GALNT18: variants seen among roughly 807,000 people sequenced by gnomAD.
The protein encoded by GALNT18 is polypeptide N-acetylgalactosaminyltransferase 18, also known as GalNAc-transferase 18.
Under a neutral mutation model 69.5 loss-of-function variants are expected in GALNT18, and 44 were observed. The observed-to-expected ratio is 0.63, with a 90% CI of 0.50 to 0.81. GALNT18 has a LOEUF of 0.81. GALNT18 is among the 40% of genes least tolerant of loss of function. The pLI, the probability that GALNT18 is intolerant of heterozygous loss-of-function variation, is 0.00. For synonymous variants in GALNT18, 364 were observed against 318.2 expected (o/e 1.14, Z -1.53); for missense variants, 715 against 810.0 (o/e 0.88, Z 1.42).
chr11:11,366,495 T>C (rs545527350), intron 6 of GALNT18, among the ~76,000 whole-genome samples: 1 of 152,320 alleles, frequency 6.6e-6, no homozygotes, highest in Admixed American at 6.5e-5. Flanking sequence ...ATTAGAATAA[T>C]GAGATAATAA....
chr11:11,429,210 T>C (rs1855209401), intron 3 of GALNT18, among the ~76,000 whole-genome samples: 1 of 152,222 alleles, frequency 6.6e-6, no homozygotes, highest in African/African-American at 2.4e-5. Context: ...TGGTTTCATG[T>C]GAATAGACAG....
intron 1 of GALNT18, among the ~76,000 whole-genome samples, chr11:11,520,772 C>T (rs1165320395): frequency 1.3e-5 from 2 of 152,200 alleles, no homozygotes; most frequent in Admixed American, 1.3e-4. Context: ...GTGAAGGAAC[C>T]CCTTCCTGGT....
chr11:11,364,370 CTA>C (rs1453752745), intron 6 of GALNT18, among the ~76,000 whole-genome samples: 1 of 152,158 alleles, frequency 6.6e-6, no homozygotes, highest in African/African-American at 2.4e-5. Flanking sequence ...CACATACTGT[CTA>C]TGAAATATTC....
rs145060938 is a variant in GALNT18 at position 11,595,499 on chromosome 11, G to A, written c.235+25860C>T. Among the ~76,000 whole-genome samples, 377 of 152,212 alleles carry A rather than the reference G, an allele frequency of 2.5e-3. 3 individuals carry two copies. Among genetic ancestry groups the A allele is most frequent in the African/African-American group, 8.6e-3 (357 of 41,524 alleles). On this transcript the variant is annotated intron_variant, in intron 1 of 10. Transcript: ENST00000227756. This position sits in a 1 kb window ranked among gnomAD's most constrained non-coding sequence, Gnocchi z 5.2. ...TTTTGTTTATTTTGTTATGGCAGCCGAGATGAACTAAGACACATTCTCTTC... is the reference window on the plus strand; with the variant it reads ...TTTTGTTTATTTTGTTATGGCAGCCAAGATGAACTAAGACACATTCTCTTC...
In GALNT18 at chr11:11,342,397, C is replaced by G. The variant is rs190893736; in HGVS notation, c.1093-1393G>C. On this transcript the variant is annotated intron_variant, in intron 6 of 10. Coordinates refer to ENST00000227756, the MANE Select transcript of GALNT18 (RefSeq NM_198516.3). ...CAGATACTGTCAACATCACCATGAA[C>G]TTGGTAGATGAAGTTCAGATATATA... 5.8e-3 allele frequency among the ~76,000 whole-genome samples: 883 copies of G among 152,290 alleles called. 4 individuals are homozygous for G. Among genetic ancestry groups the G allele is most frequent in the Non-Finnish European group, 8.9e-3 (604 of 68,022 alleles).
At position 11,602,290 on chromosome 11, in the gene GALNT18, C is replaced by A. The variant is rs1482867924; in HGVS notation, c.235+19069G>T. On this transcript the variant is annotated intron_variant, in intron 1 of 10. Coordinates refer to ENST00000227756, the MANE Select transcript of GALNT18 (RefSeq NM_198516.3). The surrounding 1 kb of genome is among the most constrained non-coding windows in gnomAD (Gnocchi z 4.7). ...CATGTGAGCCAGGGATAGGGGCAAT[C>A]AGGGCCTAGTATTCTCAACACAGGG... Among the ~76,000 whole-genome samples the A allele has an allele frequency of 1.3e-5, 2 of 152,128 alleles. No homozygotes were observed. The highest frequency in any genetic ancestry group is 2.9e-5 in the Non-Finnish European group (2 of 68,016).
At chr11:11,303,741 G>A (rs932414990) in intron 9 of GALNT18, among the ~76,000 whole-genome samples, 9 of 152,226 alleles carry the variant, frequency 5.9e-5, no homozygotes, top group Admixed American at 3.9e-4. Flanking sequence ...CTGGGGCTCT[G>A]AGGAACAGCT....
chr11:11,289,621 G>A (rs1384953960), intron 10 of GALNT18, among the ~76,000 whole-genome samples: 3 of 152,218 alleles, frequency 2.0e-5, no homozygotes, highest in African/African-American at 4.8e-5. Context: ...CAAGATGGGA[G>A]GAGTGGGGAG....
At chr11:11,284,660 C>T (rs1014697929) in intron 10 of GALNT18, among the ~76,000 whole-genome samples, 1 of 152,190 alleles carries the variant, frequency 6.6e-6, no homozygotes, top group Non-Finnish European at 1.5e-5. Context: ...TTAGAATTCC[C>T]ATTCCACTTT....
Position 11,448,789 on chromosome 11 carries a change from T to A in GALNT18, c.383A>T (p.Asp128Val). The A allele has an allele frequency of 6.2e-7, 1 of 1,612,840 alleles. No homozygotes were observed. The highest frequency in any genetic ancestry group is 2.2e-5 in the East Asian group (1 of 44,864). The change falls in exon 2 of 11, where the codon GAC becomes GTC. Residue 128 changes from aspartate to valine, a missense_variant. By Grantham distance (152) the Asp-to-Val change is radical. Coordinates refer to ENST00000227756, the MANE Select transcript of GALNT18 (RefSeq NM_198516.3). ...CAGGGGCCGGTCCAGGGGCAGGCGG[T>A]CGCTGAGGTAGGCGTTGTAGCCGTA... ...QYYGYNAYLSDRLPLDRPLPD... is the reference protein window; with the variant it reads ...QYYGYNAYLSVRLPLDRPLPD...
chr11:11,551,483 C>T lies in GALNT18; in HGVS notation c.235+69876G>A, dbSNP rs943005879. Among the ~76,000 whole-genome samples, 13 of 152,302 alleles carry T rather than the reference C, an allele frequency of 8.5e-5. No individual in the cohort carries two copies. In the East Asian group the frequency reaches 2.3e-3, roughly 27 times the overall value. ...ACAGATTCCCAAAGCCCAGAAATTT[C>T]CAAGAACTTTGGCATCTTTGAGCTT... On this transcript the variant is annotated intron_variant, in intron 1 of 10. Transcript: ENST00000227756.
chr11:11,607,826 G>A (rs1859791399), intron 1 of GALNT18, among the ~76,000 whole-genome samples: 1 of 152,128 alleles, frequency 6.6e-6, no homozygotes, highest in Admixed American at 6.5e-5. Flanking sequence ...AACCCACCAG[G>A]TAACCAGACA....
At position 11,504,932 on chromosome 11, in the gene GALNT18, C is replaced by T. The variant is rs907210206; in HGVS notation, c.236-55996G>A. ...TGTCCTTTTTCCATTTATTGACTGCCTCATCTGGGGAGGCACCCTTGCTGC... is the reference window on the plus strand; with the variant it reads ...TGTCCTTTTTCCATTTATTGACTGCTTCATCTGGGGAGGCACCCTTGCTGC... On this transcript the variant is annotated intron_variant, in intron 1 of 10. Transcript: ENST00000227756. 2.0e-5 allele frequency among the ~76,000 whole-genome samples: 3 copies of T among 152,250 alleles called. No individual in the cohort carries two copies. In the South Asian group the frequency reaches 6.2e-4, roughly 32 times the overall value.
chr11:11,521,185 C>T (rs1857391062), intron 1 of GALNT18, among the ~76,000 whole-genome samples: 2 of 151,996 alleles, frequency 1.3e-5, no homozygotes, highest in South Asian at 4.2e-4. Flanking sequence ...ATAATGAGCC[C>T]TGAATTAGTT....
intron 1 of GALNT18, among the ~76,000 whole-genome samples, chr11:11,559,601 G>T (rs1156905021): frequency 2.0e-5 from 3 of 151,466 alleles, no homozygotes; most frequent in Admixed American, 6.6e-5. Flanking sequence ...GATGGGATAG[G>T]ATGGGATGGG....
At chr11:11,490,258 CACACACA>C (rs1400410859) in intron 1 of GALNT18, among the ~76,000 whole-genome samples, 1 of 151,642 alleles carries the variant, frequency 6.6e-6, no homozygotes, top group South Asian at 2.1e-4. Flanking sequence ...CACACACACA[CACACACA>C]CACACTCCTT....
rs909817263 is a variant in GALNT18, at chr11:11,387,385, G to A, written c.596-8121C>T. 3.9e-5 allele frequency among the ~76,000 whole-genome samples: 6 copies of A among 152,046 alleles called. No homozygotes were observed. Among genetic ancestry groups the A allele is most frequent in the Non-Finnish European group, 8.8e-5 (6 of 68,012 alleles). On this transcript the variant is annotated intron_variant, in intron 3 of 10. Transcript: ENST00000227756. This position sits in a 1 kb window ranked among gnomAD's most constrained non-coding sequence, Gnocchi z 4.6. ...AATGCTGCTCCTCAAAGCCCGGCCTGGATTATACCTTTGCCACCCCATCCC... is the reference window on the plus strand; with the variant it reads ...AATGCTGCTCCTCAAAGCCCGGCCTAGATTATACCTTTGCCACCCCATCCC...
chr11:11,557,645 C>T (rs948047376), intron 1 of GALNT18, among the ~76,000 whole-genome samples: 8 of 152,162 alleles, frequency 5.3e-5, no homozygotes, highest in Non-Finnish European at 8.8e-5. Context: ...GCTGAGCACT[C>T]GGTAACTGTC....
At chr11:11,452,958 G>T (rs2133825954) in intron 1 of GALNT18, among the ~76,000 whole-genome samples, 1 of 152,356 alleles carries the variant, frequency 6.6e-6, no homozygotes, top group South Asian at 2.1e-4. Flanking sequence ...AACTCTGTGA[G>T]CTGCAAAGCC....
Sources: gnomAD v4.1 joint callset for allele counts (sites outside exome capture counted in the v4.1 genomes callset) on GRCh38, gnomAD v4.1.1 for gene constraint, Gnocchi (gnomAD v3.1) non-coding constraint, MANE v1.5 for transcripts, NCBI Gene and HGNC (gene_info 2026-07-23, HGNC 2026-07-21) for gene names.